Variants in GATAD2B observed in about 807,000 individuals in gnomAD.
GATAD2B encodes the protein GATA zinc finger domain containing 2B, also known as transcriptional repressor p66-beta.
GATAD2B carries 8 observed loss-of-function variants against 64.3 expected under a neutral mutation model. The ratio of observed to expected loss-of-function variants is 0.12; its 90% CI spans 0.07 to 0.22. GATAD2B has a LOEUF of 0.22. GATAD2B is among the 10% of genes least tolerant of loss of function. The probability of loss-of-function intolerance (pLI) is 1.00; values close to 1 mark genes in which losing one functional copy is unlikely to be tolerated. For missense variants in GATAD2B, 453 were observed against 752.0 expected (o/e 0.60, Z 4.65); for synonymous variants, 281 against 271.3 (o/e 1.04, Z -0.35).
At chr1:153,811,191 G>A (rs931939725) in intron 10 of GATAD2B, among the ~76,000 whole-genome samples, 1 of 152,100 alleles carries the variant, frequency 6.6e-6, no homozygotes, top group East Asian at 1.9e-4. Flanking sequence ...GTGAGCCACC[G>A]CGCCCTGCAC....
intron 1 of GATAD2B, among the ~76,000 whole-genome samples, chr1:153,917,993 C>T (rs568776240): frequency 6.6e-6 from 1 of 152,342 alleles, no homozygotes; most frequent in African/African-American, 2.4e-5. Flanking sequence ...CAGCCATTCT[C>T]TGTGGGGAAA....
Position 153,819,665 on chromosome 1 carries a change from G to T in GATAD2B, c.406C>A (p.Pro136Thr). 1 of 1,610,992 alleles carries T rather than the reference G, an allele frequency of 6.2e-7. No individual in the cohort carries two copies. The highest frequency in any genetic ancestry group is 8.5e-7 in the Non-Finnish European group (1 of 1,177,814). The change falls in exon 3 of 11, where the codon CCC (proline) becomes ACC (threonine). Residue 136 changes from proline to threonine, a missense_variant. This residue lies in a region of GATAD2B where 293 missense variants were observed against 417.2 expected (regional missense o/e 0.70). Coordinates refer to ENST00000368655, the MANE Select transcript of GATAD2B (RefSeq NM_020699.4). ...IVLSDNEASS[P>T]RSSSRMEERL... Reference sequence around the variant, plus strand: ...TCTTCCATTCTGGAACTGGAACGGGGACTGGAAGCCTCATTGTCAGACAAA... The same window carrying T: ...TCTTCCATTCTGGAACTGGAACGGGTACTGGAAGCCTCATTGTCAGACAAA...
chr1:153,904,289 A>AATAG (rs1449895900), intron 1 of GATAD2B, among the ~76,000 whole-genome samples: 2 of 147,906 alleles, frequency 1.4e-5, no homozygotes, highest in Non-Finnish European at 3.0e-5. Flanking sequence ...CAAATAAATA[A>AATAG]ATAAATAAAT....
chr1:153,908,782 GAAAA>G (rs1553199454), intron 1 of GATAD2B, among the ~76,000 whole-genome samples: 1 of 31,854 alleles, frequency 3.1e-5, no homozygotes. Flanking sequence ...AACATACTTG[GAAAA>G]AAAAAAAAAA....
At chr1:153,872,972 C>CTT (rs994132222) in intron 1 of GATAD2B, among the ~76,000 whole-genome samples, 15 of 146,316 alleles carry the variant, frequency 1.0e-4, no homozygotes, top group Admixed American at 2.8e-4. Context: ...TTAAATGAAA[C>CTT]TTTTTTTTTT....
intron 1 of GATAD2B, among the ~76,000 whole-genome samples, chr1:153,876,221 T>C (rs561913507): frequency 9.7e-5 from 3 of 30,832 alleles, no homozygotes; most frequent in African/African-American, 4.8e-4. Flanking sequence ...CAGTGAGACT[T>C]CGTCTCAAAA....
At chr1:153,881,150 C>G (rs995052723) in intron 1 of GATAD2B, among the ~76,000 whole-genome samples, 1 of 152,046 alleles carries the variant, frequency 6.6e-6, no homozygotes, top group Non-Finnish European at 1.5e-5. Context: ...TACACTTACA[C>G]ACACGAGCGC....
At chr1:153,855,496 C>T (rs1676052668) in intron 1 of GATAD2B, among the ~76,000 whole-genome samples, 1 of 152,144 alleles carries the variant, frequency 6.6e-6, no homozygotes, top group African/African-American at 2.4e-5. Context: ...TCCCAAAGTG[C>T]TGGGATTACG....
intron 1 of GATAD2B, among the ~76,000 whole-genome samples, chr1:153,920,336 G>C (rs1415832787): frequency 6.6e-6 from 1 of 152,212 alleles, no homozygotes; most frequent in Non-Finnish European, 1.5e-5. Flanking sequence ...AAAAAAAGGG[G>C]AGAAGGGGGC....
Position 153,806,771 on chromosome 1 carries a change from G to A in GATAD2B, c.*3406C>T, listed in dbSNP as rs1397659682. ...ATGGGAGCCTAGGACGGGGGTGGGG[G>A]TAGGGGGTGTGGAGAGAAGGGTTAT... On this transcript the variant is annotated 3_prime_UTR_variant, in exon 11 of 11. Transcript: ENST00000368655. The A allele has an allele frequency of 6.6e-6, 1 of 152,110 alleles. No individual in the cohort carries two copies. The highest frequency in any genetic ancestry group is 2.4e-5 in the African/African-American group (1 of 41,262). The allele number at this position is 152,110 out of a possible 1,614,324, so 9.4% of individuals were successfully genotyped here.
At chr1:153,920,781 G>C (rs954526932) in intron 1 of GATAD2B, among the ~76,000 whole-genome samples, 1 of 152,172 alleles carries the variant, frequency 6.6e-6, no homozygotes, top group Non-Finnish European at 1.5e-5. Flanking sequence ...TCAGCCTTCT[G>C]ATTCCTGCTG....
intron 1 of GATAD2B, among the ~76,000 whole-genome samples, chr1:153,863,431 G>A (rs955179004): frequency 1.3e-5 from 2 of 151,368 alleles, no homozygotes; most frequent in African/African-American, 2.4e-5. Flanking sequence ...AGGAGGTGGA[G>A]GTTGCAGTGA....
chr1:153,810,920 C>G (rs537600445), intron 10 of GATAD2B, among the ~76,000 whole-genome samples: 27 of 152,146 alleles, frequency 1.8e-4, no homozygotes, highest in African/African-American at 6.5e-4. Flanking sequence ...CCAGCCACCA[C>G]GCCGGGCTAA....
rs546334517 is a variant in GATAD2B at position 153,852,553 on chromosome 1, C to T, written c.-1-24205G>A. On this transcript the variant is annotated intron_variant, in intron 1 of 10. Coordinates refer to ENST00000368655, the MANE Select transcript of GATAD2B (RefSeq NM_020699.4). ...TATCCAATATTCCTTTTCCACTCCA[C>T]CCATGAGAGCTAGAGCTTATCCTGA... is the stretch of plus-strand genomic sequence containing the variant. The T allele has an allele frequency of 3.5e-5, 27 of 769,240 alleles. No individual in the cohort carries two copies. In the African/African-American group the frequency reaches 4.2e-4, roughly 12 times the overall value. The allele number at this position is 769,240 out of a possible 1,614,324, so 47.7% of individuals were successfully genotyped here.
At chr1:153,833,824 AAAAAAAAG>A (rs1408996678) in intron 1 of GATAD2B, among the ~76,000 whole-genome samples, 3 of 145,398 alleles carry the variant, frequency 2.1e-5, no homozygotes, top group African/African-American at 5.6e-5. Context: ...AAAAAAAAAA[AAAAAAAAG>A]AAAAAAGAAA....
intron 8 of GATAD2B, 81 bp from the exon 9 acceptor site, chr1:153,812,213 A>G: frequency 1.3e-6 from 1 of 741,276 alleles, no homozygotes; most frequent in Non-Finnish European, 2.3e-6. Flanking sequence ...TTTTTTAAAC[A>G]GAGACACAAT....
intron 1 of GATAD2B, among the ~76,000 whole-genome samples, chr1:153,899,967 T>C (rs1677717988): frequency 6.6e-6 from 1 of 152,154 alleles, no homozygotes; most frequent in African/African-American, 2.4e-5. Flanking sequence ...GGAAGGCTGG[T>C]TATCATAGCA....
intron 1 of GATAD2B, among the ~76,000 whole-genome samples, chr1:153,884,094 C>G (rs765411479): frequency 6.6e-6 from 1 of 150,952 alleles, no homozygotes; most frequent in Non-Finnish European, 1.5e-5. Context: ...GCCCGGAGTT[C>G]GACACCAGCC....
chr1:153,840,026 CTTTTT>C (rs779722872), intron 1 of GATAD2B, among the ~76,000 whole-genome samples: 3 of 97,810 alleles, frequency 3.1e-5, no homozygotes, highest in Admixed American at 1.2e-4. Flanking sequence ...AAAATACTTT[CTTTTT>C]TTTTTTTTTT....
Sources: gnomAD v4.1 joint callset for allele counts (sites outside exome capture counted in the v4.1 genomes callset) on GRCh38, gnomAD v4.1.1 for gene constraint, gnomAD v4.1.1 regional missense constraint, MANE v1.5 for transcripts, NCBI Gene and HGNC (gene_info 2026-07-23, HGNC 2026-07-21) for gene names.